The following JADE3 variants were observed in gnomAD, a reference collection of about 807,000 sequenced individuals.
The protein encoded by JADE3 is jade family PHD finger 3, also known as protein Jade-3.
Under a neutral mutation model 50.1 loss-of-function variants are expected in JADE3, and 2 were observed. The observed-to-expected ratio is 0.04, with a 90% CI of 0.02 to 0.13. The LOEUF (loss-of-function observed/expected upper bound fraction) is 0.13, where lower values mean the gene tolerates loss of function less well. JADE3 is among the 10% of genes least tolerant of loss of function. The probability of loss-of-function intolerance (pLI) is 1.00; values close to 1 mark genes in which losing one functional copy is unlikely to be tolerated. For missense variants in JADE3, 475 were observed against 634.4 expected, an observed-to-expected ratio of 0.75 and a Z score of 2.70; for synonymous variants, 218 against 232.9, an observed-to-expected ratio of 0.94 and a Z score of 0.58.
chrX:46,964,362 C>T (rs1294660904), intron 1 of JADE3, among the ~76,000 whole-genome samples: 1 of 111,730 alleles, frequency 9.0e-6, no homozygotes, highest in Non-Finnish European at 1.9e-5. Context: ...AAAAGGCAAT[C>T]TGCCTTGTTC....
At chrX:46,938,213 GTTTT>G (rs1383881700) in intron 1 of JADE3, among the ~76,000 whole-genome samples, 1 of 111,163 alleles carries the variant, frequency 9.0e-6, no homozygotes, top group Non-Finnish European at 1.9e-5. Flanking sequence ...TACATCTGTC[GTTTT>G]TTATTTTTGA....
intron 8 of JADE3, among the ~76,000 whole-genome samples, chrX:47,052,377 A>T (rs782354289): frequency 9.1e-6 from 1 of 110,270 alleles, no homozygotes; most frequent in South Asian, 3.9e-4. Context: ...CACACCTGTA[A>T]TCCCAGCACT....
chrX:46,927,904 G>A, intron 1 of JADE3, among the ~76,000 whole-genome samples: 1 of 111,866 alleles, frequency 8.9e-6, no homozygotes, highest in Non-Finnish European at 1.9e-5. Flanking sequence ...CCTATGAGGT[G>A]CGCACAGAAG....
intron 10 of JADE3, 79 bp downstream of exon 10, chrX:47,056,278 C>T: frequency 1.9e-6 from 1 of 525,625 alleles, no homozygotes; most frequent in South Asian, 3.6e-5. Context: ...AATTTCATGC[C>T]AGTCATTCCA....
intron 3 of JADE3, among the ~76,000 whole-genome samples, chrX:46,987,586 A>G (rs1556354902): frequency 8.9e-6 from 1 of 112,127 alleles, no homozygotes; most frequent in Non-Finnish European, 1.9e-5. Context: ...GGCACAATAG[A>G]ATGTAAGAGT....
chrX:47,057,691 C>G (rs782509994), intron 10 of JADE3, among the ~76,000 whole-genome samples: 1 of 111,924 alleles, frequency 8.9e-6, no homozygotes, highest in East Asian at 2.8e-4. Flanking sequence ...TGCAACGTTT[C>G]TGAAGGTTTG....
intron 5 of JADE3, among the ~76,000 whole-genome samples, 162 bp downstream of exon 5, chrX:47,025,076 C>T (rs782175244): frequency 1.2e-4 from 13 of 111,357 alleles, no homozygotes; most frequent in African/African-American, 4.2e-4. Context: ...GATATTTCTT[C>T]AAATGCATAC....
chrX:46,921,357 G>A (rs966836116), intron 1 of JADE3, among the ~76,000 whole-genome samples: 15 of 112,802 alleles, frequency 1.3e-4, no homozygotes, highest in Non-Finnish European at 2.4e-4. Context: ...GGAATTACAG[G>A]CGTCAGCCAC....
intron 3 of JADE3, among the ~76,000 whole-genome samples, chrX:46,990,818 AGAAACCCC>A (rs1474518548): frequency 9.1e-6 from 1 of 110,263 alleles, no homozygotes; most frequent in Non-Finnish European, 1.9e-5. Flanking sequence ...CATCTCAGAA[AGAAACCCC>A]TTACCCATTA....
intron 1 of JADE3, among the ~76,000 whole-genome samples, chrX:46,914,849 C>T (rs1926047089): frequency 8.9e-6 from 1 of 112,023 alleles, no homozygotes; most frequent in Non-Finnish European, 1.9e-5. Context: ...CCACTCCTCC[C>T]TGAAGTGTTG....
intron 2 of JADE3, 29 bp from the exon 3 acceptor site, chrX:46,985,684 C>T (rs782596063): frequency 1.1e-6 from 1 of 951,283 alleles, no homozygotes; most frequent in South Asian, 2.0e-5. Context: ...TAATGTGTCT[C>T]AGTATTTTTT....
rs782108825 is a variant in JADE3 at position 47,055,943 on chromosome X, C to G, written c.1444-139C>G. The stretch of plus-strand genomic sequence containing the variant: ...CTGTGTGAATTCCTGTGGAGTGGGT[C>G]TCATTCTGCAGCTCTTGGATTCTGT... On this transcript the variant is annotated intron_variant, in intron 9 of 10. Transcript: ENST00000614628. 16 of 413,034 alleles carry G rather than the reference C, an allele frequency of 3.9e-5. No individual in the cohort carries two copies. In the South Asian group the frequency reaches 7.5e-4, roughly 19 times the overall value. The allele number at this position is 413,034 out of a possible 1,213,427, so 34.0% of individuals were successfully genotyped here.
Position 47,059,108 on chromosome X carries a change from GCCTTTGC to G in JADE3, c.*34_*40del. The stretch of plus-strand genomic sequence containing the variant: ...AACTTCCAAGGATGACCCAACCTTT[GCCTTTGC>G]CCCATATATTGGGGAAAACCCATAC... On this transcript the variant is annotated 3_prime_UTR_variant, in exon 11 of 11. Coordinates refer to ENST00000614628, the MANE Select transcript of JADE3 (RefSeq NM_014735.5). 1 of 1,082,558 alleles carries G rather than the reference GCCTTTGC, an allele frequency of 9.2e-7. No homozygotes were observed. Among genetic ancestry groups the G allele is most frequent in the Non-Finnish European group, 1.2e-6 (1 of 811,186 alleles). The allele number at this position is 1,082,558 out of a possible 1,213,427, so 89.2% of individuals were successfully genotyped here. A position where few individuals can be genotyped will look rare whatever the true frequency, so the allele number is the denominator to read the frequency against.
intron 1 of JADE3, among the ~76,000 whole-genome samples, chrX:46,928,825 C>T (rs1157172373): frequency 4.5e-5 from 5 of 111,214 alleles, no homozygotes; most frequent in African/African-American, 9.8e-5. Context: ...ATTGTGCAGG[C>T]TGGTCTTAAA....
chrX:46,971,184 C>T (rs1556350194), intron 1 of JADE3, among the ~76,000 whole-genome samples: 1 of 96,291 alleles, frequency 1.0e-5, no homozygotes, highest in African/African-American at 3.9e-5. Context: ...GGCGCGATCT[C>T]GGCTCACTGC....
At chrX:47,010,188 A>AT (rs1197273890) in intron 4 of JADE3, among the ~76,000 whole-genome samples, 7 of 110,658 alleles carry the variant, frequency 6.3e-5, no homozygotes, top group Non-Finnish European at 9.5e-5. Flanking sequence ...CTTTTCTTAG[A>AT]TTTTTTTAAG....
At chrX:46,967,385 T>C (rs925532120) in intron 1 of JADE3, among the ~76,000 whole-genome samples, 35 of 111,749 alleles carry the variant, frequency 3.1e-4, no homozygotes, top group African/African-American at 1.1e-3. Context: ...TTTTTATCTG[T>C]CCATTTTTGT....
At chrX:47,012,200 C>T (rs1694669154) in intron 4 of JADE3, among the ~76,000 whole-genome samples, 1 of 111,789 alleles carries the variant, frequency 8.9e-6, no homozygotes, top group Non-Finnish European at 1.9e-5. Flanking sequence ...ATACAAGTCT[C>T]TTATCAGAAA....
At chrX:47,027,828 C>T in intron 5 of JADE3, 64 bp from the exon 6 acceptor site, 1 of 943,995 alleles carries the variant, frequency 1.1e-6, no homozygotes, top group East Asian at 3.1e-5. Context: ...ACTGGGCTCA[C>T]AGTAGGTGTT....
Sources: allele counts gnomAD v4.1 joint callset (sites outside exome capture counted in the v4.1 genomes callset), GRCh38; gene constraint gnomAD v4.1.1; transcripts MANE v1.5; gene names NCBI Gene and HGNC (gene_info 2026-07-23, HGNC 2026-07-21).